Variants in STK39 observed in about 807,000 individuals in gnomAD.
STK39 encodes the protein serine/threonine kinase 39.
Under a neutral mutation model 77.8 loss-of-function variants are expected in STK39, and 20 were observed. The ratio of observed to expected loss-of-function variants is 0.26; its 90% CI spans 0.18 to 0.37. The LOEUF (loss-of-function observed/expected upper bound fraction) is 0.37. Among genes scored for constraint, STK39 ranks in the 10% least tolerant of loss-of-function variants. The probability of loss-of-function intolerance (pLI) is 1.00; values close to 1 mark genes in which losing one functional copy is unlikely to be tolerated. For missense variants in STK39, 479 were observed against 656.5 expected, an observed-to-expected ratio of 0.73 and a Z score of 2.95; for synonymous variants, 246 against 234.1, an observed-to-expected ratio of 1.05 and a Z score of -0.47.
chr2:168,167,237 T>C, intron 3 of STK39, 62 bp downstream of exon 3: 1 of 1,383,972 alleles, frequency 7.2e-7, no homozygotes, highest in Non-Finnish European at 1.0e-6. Context: ...TTCTCCAATA[T>C]GCTGGTTCCA....
intron 5 of STK39, among the ~76,000 whole-genome samples, 156 bp from the exon 6 acceptor site, chr2:168,140,914 C>G (rs932618135): frequency 1.3e-5 from 2 of 152,114 alleles, no homozygotes; most frequent in East Asian, 3.8e-4. Context: ...AAAGGAAGAC[C>G]TGCCCTCTGC....
chr2:168,067,031 G>A (rs1010873153), intron 12 of STK39, among the ~76,000 whole-genome samples: 4 of 152,176 alleles, frequency 2.6e-5, no homozygotes, highest in Non-Finnish European at 5.9e-5. Context: ...AGGCTAGCTC[G>A]GGCAACATGG....
chr2:168,040,062 T>C (rs1685063508), intron 14 of STK39, among the ~76,000 whole-genome samples: 1 of 152,142 alleles, frequency 6.6e-6, no homozygotes, highest in Admixed American at 6.5e-5. Context: ...TCAATCATCC[T>C]GTACATTACA....
rs3769429 is a variant in STK39 at position 167,954,229 on chromosome 2, T to C, written c.*1267A>G. The C allele has an allele frequency of 6.6e-6, 1 of 152,596 alleles. No homozygotes were observed. The highest frequency in any genetic ancestry group is 1.9e-4 in the East Asian group (1 of 5,186). The allele number at this position is 152,596 out of a possible 1,614,324, so 9.5% of individuals were successfully genotyped here. ...TTTGAAGTACATTAAAGAGCTGCCA[T>C]ATCTAGGGTTAGCTAGGAAAGAGCA... is the stretch of plus-strand genomic sequence containing the variant. On this transcript the variant is annotated 3_prime_UTR_variant, in exon 18 of 18. Transcript: ENST00000355999.
chr2:168,149,536 C>T (rs1688226781), intron 5 of STK39, among the ~76,000 whole-genome samples: 1 of 152,192 alleles, frequency 6.6e-6, no homozygotes, highest in Admixed American at 6.5e-5. Flanking sequence ...CCTTTCAGAC[C>T]AGTACTCTGT....
intron 1 of STK39, among the ~76,000 whole-genome samples, chr2:168,196,785 T>C (rs774703294): frequency 7.2e-5 from 11 of 152,170 alleles, no homozygotes; most frequent in Admixed American, 1.3e-4. Flanking sequence ...AAGAAGGGGC[T>C]GACCATGCAA....
rs138034285 is a variant in STK39 at position 168,063,263 on chromosome 2, G to A, written c.1376+237C>T. Reference sequence around the variant, plus strand: ...AAAAGGCAAGGAAATAAAACATAATGAAAGGTACACTGAGCCTGCAGACAC... The same window carrying A: ...AAAAGGCAAGGAAATAAAACATAATAAAAGGTACACTGAGCCTGCAGACAC... On this transcript the variant is annotated intron_variant, in intron 14 of 17. Coordinates refer to ENST00000355999, the MANE Select transcript of STK39 (RefSeq NM_013233.3). Among the ~76,000 whole-genome samples, 26 of 152,246 alleles carry A rather than the reference G, an allele frequency of 1.7e-4. No individual in the cohort carries two copies. In the East Asian group the frequency reaches 4.1e-3, roughly 24 times the overall value.
At chr2:168,157,093 A>G (rs915548815) in intron 5 of STK39, among the ~76,000 whole-genome samples, 1 of 152,166 alleles carries the variant, frequency 6.6e-6, no homozygotes, top group Non-Finnish European at 1.5e-5. Flanking sequence ...AAGTGACAGA[A>G]GCAAGTTAAG....
chr2:167,966,537 T>C (rs373720068), intron 16 of STK39, among the ~76,000 whole-genome samples: 3 of 152,216 alleles, frequency 2.0e-5, no homozygotes, highest in African/African-American at 7.2e-5. Flanking sequence ...GGGTCATCTA[T>C]TTCCAGTCTG....
intron 1 of STK39, among the ~76,000 whole-genome samples, chr2:168,182,979 A>T (rs1248821391): frequency 6.6e-6 from 1 of 152,174 alleles, no homozygotes; most frequent in Admixed American, 6.5e-5. Flanking sequence ...TTCTCCCTAA[A>T]GTTTTTCTTC....
chr2:168,108,642 G>A (rs960459196), intron 10 of STK39, among the ~76,000 whole-genome samples: 1 of 152,030 alleles, frequency 6.6e-6, no homozygotes, highest in African/African-American at 2.4e-5. Flanking sequence ...GTCCATAAAG[G>A]TCATTCCCCC....
chr2:168,152,730 T>C lies in STK39; in HGVS notation c.628+9057A>G, dbSNP rs1220024302. Among the ~76,000 whole-genome samples, 4 of 152,208 alleles carry C rather than the reference T, an allele frequency of 2.6e-5. No homozygotes were observed. The South Asian group carries it at 8.3e-4, about 32-fold the overall frequency. On this transcript the variant is annotated intron_variant, in intron 5 of 17. Transcript: ENST00000355999. ...GTAAGGAGAGCACCAGGTAAGTATA[T>C]TATACAGGTATTATTGTTTCCCAAG...
intron 10 of STK39, among the ~76,000 whole-genome samples, chr2:168,123,872 C>CA (rs60490866): frequency 0.55 from 65,151 of 119,314 alleles, 17,908 homozygotes; most frequent in South Asian, 0.67. Flanking sequence ...GATTCCATCT[C>CA]AAAAAAAAAA....
chr2:168,048,829 C>A (rs763189617), intron 14 of STK39, among the ~76,000 whole-genome samples: 1 of 152,228 alleles, frequency 6.6e-6, no homozygotes, highest in Non-Finnish European at 1.5e-5. Context: ...CATATCATCT[C>A]ATTCCCCTAG....
At chr2:168,037,221 G>T (rs1292615465) in intron 14 of STK39, among the ~76,000 whole-genome samples, 1 of 152,156 alleles carries the variant, frequency 6.6e-6, no homozygotes, top group Non-Finnish European at 1.5e-5. Context: ...CTGCAAAGAT[G>T]CAAAATACAA....
At chr2:168,199,591 G>A (rs1458080169) in intron 1 of STK39, among the ~76,000 whole-genome samples, 2 of 150,966 alleles carry the variant, frequency 1.3e-5, no homozygotes, top group African/African-American at 4.9e-5. Context: ...GCAGTGGCAC[G>A]ATCTCGGCTC....
intron 12 of STK39, among the ~76,000 whole-genome samples, chr2:168,068,263 C>T (rs1300616097): frequency 1.3e-5 from 2 of 152,054 alleles, no homozygotes; most frequent in African/African-American, 2.4e-5. Context: ...TGGCAATAGA[C>T]CCTGATGGGG....
rs375302850 is a variant in STK39 at position 168,161,833 on chromosome 2, T to C, written c.582A>G (p.Lys194=). ...HRNGQIHRDL[K]AGNILLGEDG... is the part of the protein sequence containing the mutation. ...CCTCACCCAGAAGAATATTACCAGC[T>C]TTCAAATCCCTATTAGAAAAAAAAA... The change falls in exon 5 of 18, where the codon AAA becomes AAG. Residue 194 remains lysine (K), a synonymous_variant. Transcript: ENST00000355999. 6 of 1,610,624 alleles carry C rather than the reference T, an allele frequency of 3.7e-6. No individual in the cohort carries two copies. The highest frequency in any genetic ancestry group is 5.1e-6 in the Non-Finnish European group (6 of 1,178,310).
chr2:168,105,794 A>G (rs1260507725), intron 10 of STK39, among the ~76,000 whole-genome samples: 1 of 152,210 alleles, frequency 6.6e-6, no homozygotes. Context: ...GGGAGAAATG[A>G]AATTGGCTGT....
Sources: gnomAD v4.1 joint callset for allele counts (sites outside exome capture counted in the v4.1 genomes callset) on GRCh38, gnomAD v4.1.1 for gene constraint, MANE v1.5 for transcripts, NCBI Gene and HGNC (gene_info 2026-07-23, HGNC 2026-07-21) for gene names.